ANKFN1: variants seen among roughly 807,000 people sequenced by gnomAD.
ANKFN1 encodes the protein ankyrin repeat and fibronectin type III domain containing 1.
ANKFN1 carries 74 observed loss-of-function variants against 108.7 expected under a neutral mutation model. That is an observed-to-expected ratio of 0.68 (90% confidence interval 0.56 to 0.83). The LOEUF (loss-of-function observed/expected upper bound fraction) is 0.83, where lower values mean the gene tolerates loss of function less well. Among genes scored for constraint, ANKFN1 ranks in the 40% least tolerant of loss-of-function variants. The pLI, the probability that ANKFN1 is intolerant of heterozygous loss-of-function variation, is 0.00. For missense variants in ANKFN1, 1,505 were observed against 1,382.3 expected (o/e 1.09, Z -1.41); for synonymous variants, 547 against 516.2 (o/e 1.06, Z -0.81).
At chr17:56,299,656 T>A (rs2044617562) in intron 3 of ANKFN1, among the ~76,000 whole-genome samples, 1 of 152,176 alleles carries the variant, frequency 6.6e-6, no homozygotes, top group Non-Finnish European at 1.5e-5. Context: ...ATCAAATTCC[T>A]CTATGTCTCC....
chr17:56,158,367 G>A (rs1458474656), intron 1 of ANKFN1, among the ~76,000 whole-genome samples: 3 of 152,178 alleles, frequency 2.0e-5, no homozygotes, highest in Admixed American at 6.5e-5. Context: ...AGCAATCTTA[G>A]CCTCCACAAT....
chr17:56,483,559 T>G (rs1296783924), intron 18 of ANKFN1, among the ~76,000 whole-genome samples: 3 of 152,218 alleles, frequency 2.0e-5, no homozygotes, highest in African/African-American at 7.2e-5. Flanking sequence ...AATTGTTACT[T>G]TCTAGAGGAG....
intron 3 of ANKFN1, among the ~76,000 whole-genome samples, chr17:56,307,720 A>G (rs2044874982): frequency 1.3e-5 from 2 of 152,352 alleles, no homozygotes; most frequent in African/African-American, 4.8e-5. Context: ...CAGCCATCCC[A>G]TTACTGGGTA....
At position 56,311,757 on chromosome 17, in the gene ANKFN1, A is replaced by G. The variant is rs552821416; in HGVS notation, c.54-14464A>G. On this transcript the variant is annotated intron_variant, in intron 3 of 20. Coordinates refer to ENST00000682825, the MANE Select transcript of ANKFN1 (RefSeq NM_001370326.1). ...CCTTCAGGGTATTTGCATTGGGTGT[A>G]TATGAAATGTAAGTGAATTTTGTAT... 8.9e-4 allele frequency among the ~76,000 whole-genome samples: 135 copies of G among 152,342 alleles called. 3 individuals are homozygous for G. Among genetic ancestry groups the G allele is most frequent in the African/African-American group, 3.0e-3 (125 of 41,580 alleles).
intron 8 of ANKFN1, among the ~76,000 whole-genome samples, chr17:56,390,769 G>GTT (rs1393771948): frequency 6.6e-6 from 1 of 152,008 alleles, no homozygotes; most frequent in Non-Finnish European, 1.5e-5. Context: ...TCTCATTGTG[G>GTT]TTTTGATTTG....
chr17:56,322,976 A>G (rs2045412302), intron 3 of ANKFN1, among the ~76,000 whole-genome samples: 1 of 152,156 alleles, frequency 6.6e-6, no homozygotes, highest in Non-Finnish European at 1.5e-5. Flanking sequence ...TTCTTTCTTA[A>G]TTTTACTGAG....
chr17:56,053,639 C>T (rs1401901952), intron 4 of ANKFN1, among the ~76,000 whole-genome samples: 2 of 152,070 alleles, frequency 1.3e-5, no homozygotes, highest in African/African-American at 4.8e-5. Context: ...CTTGAATGTA[C>T]TGATTTCTTT....
intron 3 of ANKFN1, among the ~76,000 whole-genome samples, chr17:56,261,610 A>G (rs1241115103): frequency 6.6e-6 from 1 of 152,182 alleles, no homozygotes; most frequent in African/African-American, 2.4e-5. Context: ...CAACTGTCTA[A>G]GAGTCCCAAA....
At chr17:56,369,541 T>C (rs1235782299) in intron 6 of ANKFN1, among the ~76,000 whole-genome samples, 1 of 152,178 alleles carries the variant, frequency 6.6e-6, no homozygotes, top group Non-Finnish European at 1.5e-5. Flanking sequence ...AACTACACAG[T>C]CTAATATAAT....
chr17:56,438,498 G>T (rs2048995056), intron 8 of ANKFN1, among the ~76,000 whole-genome samples: 1 of 152,160 alleles, frequency 6.6e-6, no homozygotes, highest in Non-Finnish European at 1.5e-5. Context: ...TCTATGAAAA[G>T]ATACTAGGTG....
chr17:56,295,392 G>A (rs568847991), intron 3 of ANKFN1, among the ~76,000 whole-genome samples: 46 of 152,292 alleles, frequency 3.0e-4, no homozygotes, highest in Admixed American at 9.8e-4. Flanking sequence ...GTGATCCCAA[G>A]ACCAGTAATA....
chr17:56,240,019 A>G (rs1917460879), intron 3 of ANKFN1, among the ~76,000 whole-genome samples: 1 of 152,180 alleles, frequency 6.6e-6, no homozygotes, highest in Non-Finnish European at 1.5e-5. Context: ...TATTTCAAAC[A>G]TAGAGGAAAA....
At chr17:56,142,479 A>G (rs768220760) in intron 4 of ANKFN1, among the ~76,000 whole-genome samples, 5 of 152,176 alleles carry the variant, frequency 3.3e-5, no homozygotes, top group African/African-American at 9.7e-5. Flanking sequence ...GATGGGCTCA[A>G]TGGACACTGG....
chr17:56,101,388 C>G (rs542319112), intron 4 of ANKFN1, among the ~76,000 whole-genome samples: 1 of 152,168 alleles, frequency 6.6e-6, no homozygotes, highest in Non-Finnish European at 1.5e-5. Flanking sequence ...CCAAACTTCC[C>G]TCCTCATTAA....
intron 8 of ANKFN1, among the ~76,000 whole-genome samples, chr17:56,377,784 G>T (rs936757839): frequency 3.3e-5 from 5 of 152,172 alleles, no homozygotes; most frequent in Non-Finnish European, 5.9e-5. Flanking sequence ...GGTTAGGAAG[G>T]CATCCTGAAA....
chr17:56,203,780 G>T (rs1218844731), intron 1 of ANKFN1, among the ~76,000 whole-genome samples: 1 of 152,166 alleles, frequency 6.6e-6, no homozygotes, highest in Admixed American at 6.5e-5. Flanking sequence ...GGCAAAGAAT[G>T]TAAGTAACTA....
intron 3 of ANKFN1, among the ~76,000 whole-genome samples, chr17:56,320,990 A>G (rs778146015): frequency 6.6e-6 from 1 of 152,020 alleles, no homozygotes; most frequent in African/African-American, 2.4e-5. Flanking sequence ...TTTAGTCTGA[A>G]AGGTCAATTG....
At chr17:56,172,459 G>A (rs1910769094) in intron 1 of ANKFN1, among the ~76,000 whole-genome samples, 1 of 152,196 alleles carries the variant, frequency 6.6e-6, no homozygotes, top group Admixed American at 6.5e-5. Flanking sequence ...GGGAGGAACT[G>A]TATCCAGCAG....
At chr17:56,113,183 G>A (rs1378683786) in intron 4 of ANKFN1, among the ~76,000 whole-genome samples, 1 of 152,138 alleles carries the variant, frequency 6.6e-6, no homozygotes, top group African/African-American at 2.4e-5. Context: ...CCAACCTGGT[G>A]GGTAGAAAAT....
Sources: gnomAD v4.1 joint callset for allele counts (sites outside exome capture counted in the v4.1 genomes callset) on GRCh38, gnomAD v4.1.1 for gene constraint, MANE v1.5 for transcripts, NCBI Gene and HGNC (gene_info 2026-07-23, HGNC 2026-07-21) for gene names.